MGAT4C: variants seen among roughly 807,000 people sequenced by gnomAD.
The protein encoded by MGAT4C is alpha-1,3-mannosyl-glycoprotein 4-beta-N-acetylglucosaminyltransferase C.
Under a neutral mutation model 40.1 loss-of-function variants are expected in MGAT4C, and 19 were observed. That is an observed-to-expected ratio of 0.47 (90% CI 0.33 to 0.70). The LOEUF (loss-of-function observed/expected upper bound fraction) is 0.70, where lower values mean the gene tolerates loss of function less well. Among genes scored for constraint, MGAT4C ranks in the 30% least tolerant of loss-of-function variants. The pLI is 0.02. For synonymous variants in MGAT4C, 181 were observed against 187.1 expected (o/e 0.97, Z 0.27); for missense variants, 491 against 563.2 (o/e 0.87, Z 1.30).
At chr12:86,016,975 T>A (rs1039287124) in intron 2 of MGAT4C, among the ~76,000 whole-genome samples, 4 of 152,124 alleles carry the variant, frequency 2.6e-5, no homozygotes, top group Admixed American at 6.6e-5. Context: ...GAAGCCTAAT[T>A]TCAGTCAAAA....
At chr12:86,156,538 C>T (rs1168983928) in intron 1 of MGAT4C, among the ~76,000 whole-genome samples, 1 of 152,150 alleles carries the variant, frequency 6.6e-6, no homozygotes. Context: ...TCAGGCTGGT[C>T]TCAAACTCCC....
intron 1 of MGAT4C, among the ~76,000 whole-genome samples, chr12:86,216,227 G>A (rs1341575756): frequency 6.6e-6 from 1 of 152,260 alleles, no homozygotes; most frequent in East Asian, 1.9e-4. Context: ...ACTTAAATGT[G>A]TTGGCTTGTG....
intron 1 of MGAT4C, among the ~76,000 whole-genome samples, chr12:86,072,024 TTTTGTGTG>T (rs934955827): frequency 4.4e-5 from 3 of 68,272 alleles, no homozygotes; most frequent in African/African-American, 2.2e-4. Context: ...ATGCATAGGG[TTTTGTGTG>T]TGTGTGTGTG....
chr12:86,321,620 T>G (rs140922580), intron 4 of MGAT4C, among the ~76,000 whole-genome samples: 1 of 152,312 alleles, frequency 6.6e-6, no homozygotes, highest in African/African-American at 2.4e-5. Context: ...CACTATGTTC[T>G]TTTTTAAAAA....
intron 1 of MGAT4C, among the ~76,000 whole-genome samples, chr12:86,795,286 G>A (rs1185263738): frequency 2.6e-5 from 4 of 151,826 alleles, no homozygotes; most frequent in African/African-American, 4.8e-5. Context: ...AAGAAAGAGT[G>A]GAGAAAAATA....
At chr12:86,063,358 A>G (rs913256290) in intron 1 of MGAT4C, among the ~76,000 whole-genome samples, 3 of 152,238 alleles carry the variant, frequency 2.0e-5, no homozygotes, top group African/African-American at 7.2e-5. Flanking sequence ...CTGCCTTACA[A>G]GAGCTCCTGA....
intron 2 of MGAT4C, among the ~76,000 whole-genome samples, chr12:86,710,736 C>A (rs1029681853): frequency 6.6e-6 from 1 of 152,118 alleles, no homozygotes; most frequent in African/African-American, 2.4e-5. Flanking sequence ...CACATGCACA[C>A]AAATGTTTAT....
At chr12:86,391,644 G>A (rs1022996663) in intron 3 of MGAT4C, among the ~76,000 whole-genome samples, 1 of 152,038 alleles carries the variant, frequency 6.6e-6, no homozygotes, top group Non-Finnish European at 1.5e-5. Context: ...GGATAACCAG[G>A]TCAGGAGATC....
At chr12:86,264,002 C>G (rs1007675491) in intron 4 of MGAT4C, among the ~76,000 whole-genome samples, 1 of 151,988 alleles carries the variant, frequency 6.6e-6, no homozygotes, top group Non-Finnish European at 1.5e-5. Context: ...ATTTTGCCCA[C>G]TTTTTAATTG....
intron 1 of MGAT4C, among the ~76,000 whole-genome samples, chr12:86,752,585 G>A (rs1168090320): frequency 1.3e-5 from 2 of 151,986 alleles, no homozygotes; most frequent in African/African-American, 4.8e-5. Flanking sequence ...TTCATTTAGT[G>A]AATATCAATA....
intron 1 of MGAT4C, among the ~76,000 whole-genome samples, chr12:86,052,689 C>T (rs1346007838): frequency 6.6e-6 from 1 of 151,832 alleles, no homozygotes; most frequent in Non-Finnish European, 1.5e-5. Flanking sequence ...TCTATGCTCA[C>T]CTGAATCTTA....
chr12:86,039,190 A>G (rs932841998), intron 2 of MGAT4C, among the ~76,000 whole-genome samples: 3 of 151,876 alleles, frequency 2.0e-5, no homozygotes, highest in African/African-American at 7.3e-5. Flanking sequence ...TCTGATGATT[A>G]TGTGTCTTGG....
chr12:86,011,215 T>C (rs1255682925), intron 2 of MGAT4C, among the ~76,000 whole-genome samples: 1 of 152,146 alleles, frequency 6.6e-6, no homozygotes, highest in African/African-American at 2.4e-5. Context: ...CAGCCCAATA[T>C]AGATCAAGAG....
At chr12:86,248,676 T>G (rs1032495101) in intron 1 of MGAT4C, among the ~76,000 whole-genome samples, 6 of 152,146 alleles carry the variant, frequency 3.9e-5, no homozygotes, top group Non-Finnish European at 8.8e-5. Context: ...ACACATTTTC[T>G]TGATACACCA....
intron 1 of MGAT4C, among the ~76,000 whole-genome samples, chr12:86,750,257 A>T (rs760672263): frequency 2.6e-5 from 4 of 151,898 alleles, no homozygotes; most frequent in Non-Finnish European, 5.9e-5. Flanking sequence ...TGAAAAAGCT[A>T]AAACTACCAA....
At chr12:85,998,181 C>T (rs1886854676) in intron 2 of MGAT4C, among the ~76,000 whole-genome samples, 1 of 152,210 alleles carries the variant, frequency 6.6e-6, no homozygotes, top group African/African-American at 2.4e-5. Context: ...ATGTTGGTCC[C>T]TTTCAGCCAT....
intron 2 of MGAT4C, among the ~76,000 whole-genome samples, chr12:86,446,651 T>C (rs964589295): frequency 9.2e-6 from 1 of 108,368 alleles, no homozygotes; most frequent in African/African-American, 3.1e-5. Context: ...AATTACATCA[T>C]GTAACTCATA....
At chr12:86,735,076 T>C (rs1343518986) in intron 1 of MGAT4C, among the ~76,000 whole-genome samples, 1 of 152,028 alleles carries the variant, frequency 6.6e-6, no homozygotes, top group African/African-American at 2.4e-5. Flanking sequence ...ACATAAACTG[T>C]AGAGAATCCA....
intron 3 of MGAT4C, among the ~76,000 whole-genome samples, chr12:86,376,833 AG>A (rs1955834863): frequency 8.5e-6 from 1 of 117,514 alleles, no homozygotes; most frequent in Non-Finnish European, 1.9e-5. Context: ...AGAGAGAGAG[AG>A]AGAGAGAGAC....
Sources: allele counts gnomAD v4.1 joint callset (sites outside exome capture counted in the v4.1 genomes callset), GRCh38; gene constraint gnomAD v4.1.1; transcripts MANE v1.5; gene names NCBI Gene and HGNC (gene_info 2026-07-23, HGNC 2026-07-21).